The following PTPRG variants were observed in gnomAD, a reference collection of about 807,000 sequenced individuals.
The protein encoded by PTPRG is receptor-type tyrosine-protein phosphatase gamma.
PTPRG carries 102 observed loss-of-function variants against 165.3 expected under a neutral mutation model. The ratio of observed to expected loss-of-function variants is 0.62; its 90% CI spans 0.53 to 0.73. The LOEUF (loss-of-function observed/expected upper bound fraction) is 0.73, where lower values mean the gene tolerates loss of function less well. Among genes scored for constraint, PTPRG ranks in the 30% least tolerant of loss-of-function variants. PTPRG has a pLI of 0.00. For synonymous variants in PTPRG, 675 were observed against 669.5 expected, an observed-to-expected ratio of 1.01 and a Z score of -0.13; for missense variants, 1,866 against 1,861.4, an observed-to-expected ratio of 1.00 and a Z score of -0.05.
chr3:61,630,692 G>T (rs1275895414), intron 1 of PTPRG, among the ~76,000 whole-genome samples: 1 of 152,132 alleles, frequency 6.6e-6, no homozygotes, highest in African/African-American at 2.4e-5. Flanking sequence ...TGACCACAAG[G>T]GTAGAAAGAA....
chr3:61,875,325 G>A (rs972345074), intron 2 of PTPRG, among the ~76,000 whole-genome samples: 5 of 152,136 alleles, frequency 3.3e-5, no homozygotes, highest in African/African-American at 1.2e-4. Context: ...GGGCCCTGGT[G>A]CTGCCTGGGG....
chr3:61,865,165 A>G (rs2037370610), intron 2 of PTPRG, among the ~76,000 whole-genome samples: 1 of 152,128 alleles, frequency 6.6e-6, no homozygotes, highest in Admixed American at 6.5e-5. Context: ...TGTGGCCAGG[A>G]GAGAAATGCC....
chr3:61,613,005 C>T (rs541041268), intron 1 of PTPRG, among the ~76,000 whole-genome samples: 6 of 152,222 alleles, frequency 3.9e-5, no homozygotes, highest in African/African-American at 1.2e-4. Context: ...TCACCTTCGA[C>T]GAGAAATGCT....
At chr3:61,943,191 C>T (rs2039676541) in intron 2 of PTPRG, among the ~76,000 whole-genome samples, 1 of 152,158 alleles carries the variant, frequency 6.6e-6, no homozygotes. Context: ...AAGGGAATTG[C>T]ATTAGGGGTT....
At chr3:61,831,831 CTG>C (rs2036303912) in intron 2 of PTPRG, among the ~76,000 whole-genome samples, 1 of 152,064 alleles carries the variant, frequency 6.6e-6, no homozygotes, top group Non-Finnish European at 1.5e-5. Flanking sequence ...CTGGTTCAAA[CTG>C]TATATAGATA....
At chr3:61,997,260 C>G (rs535063205) in intron 3 of PTPRG, among the ~76,000 whole-genome samples, 34 of 152,306 alleles carry the variant, frequency 2.2e-4, no homozygotes, top group African/African-American at 8.2e-4. Context: ...CCCAGGCCTT[C>G]TCCACAGAGT....
intron 3 of PTPRG, among the ~76,000 whole-genome samples, chr3:61,998,223 A>G (rs955910780): frequency 6.6e-6 from 1 of 152,172 alleles, no homozygotes; most frequent in Non-Finnish European, 1.5e-5. Flanking sequence ...TTCCTTATTT[A>G]AGATGTGACC....
At chr3:61,949,734 T>G (rs1054458115) in intron 2 of PTPRG, among the ~76,000 whole-genome samples, 7 of 76,208 alleles carry the variant, frequency 9.2e-5, no homozygotes, top group Non-Finnish European at 1.4e-4. Context: ...TCTTTGTTTT[T>G]TTTTTTTTTG....
chr3:62,135,286 A>AG (rs1491563572), intron 6 of PTPRG, among the ~76,000 whole-genome samples: 1 of 151,030 alleles, frequency 6.6e-6, no homozygotes, highest in African/African-American at 2.4e-5. Flanking sequence ...AAAAAAAAAA[A>AG]GAAATAAAAA....
intron 2 of PTPRG, among the ~76,000 whole-genome samples, chr3:61,951,231 T>G (rs918671510): frequency 6.6e-6 from 1 of 152,252 alleles, no homozygotes; most frequent in African/African-American, 2.4e-5. Context: ...GAATTGGAAG[T>G]GGCAATCACT....
chr3:62,248,596 T>C (rs986732040), intron 15 of PTPRG, among the ~76,000 whole-genome samples: 2 of 152,202 alleles, frequency 1.3e-5, no homozygotes, highest in African/African-American at 4.8e-5. Flanking sequence ...ATTACAATTA[T>C]TAATGAAGCA....
At chr3:62,155,813 G>A (rs1417287074) in intron 6 of PTPRG, among the ~76,000 whole-genome samples, 1 of 152,136 alleles carries the variant, frequency 6.6e-6, no homozygotes, top group East Asian at 1.9e-4. Context: ...AGAAGAGGAA[G>A]GAAGGAGGAG....
chr3:62,283,928 A>C (rs951409354), intron 28 of PTPRG, among the ~76,000 whole-genome samples: 2 of 151,900 alleles, frequency 1.3e-5, no homozygotes, highest in African/African-American at 4.9e-5. Context: ...TTGAAACATT[A>C]ATTAAATAGC....
chr3:62,193,496 A>T (rs1175004200), intron 9 of PTPRG, among the ~76,000 whole-genome samples: 1 of 152,234 alleles, frequency 6.6e-6, no homozygotes, highest in East Asian at 1.9e-4. Context: ...GTGCTGACTT[A>T]GTGGCAACAG....
At chr3:61,671,242 A>G (rs1352564969) in intron 1 of PTPRG, among the ~76,000 whole-genome samples, 1 of 151,140 alleles carries the variant, frequency 6.6e-6, no homozygotes, top group Non-Finnish European at 1.5e-5. Flanking sequence ...GCAGATAAAC[A>G]AGTGAACAAA....
chr3:61,943,792 T>A (rs1015839535), intron 2 of PTPRG, among the ~76,000 whole-genome samples: 3 of 152,086 alleles, frequency 2.0e-5, no homozygotes, highest in South Asian at 2.1e-4. Flanking sequence ...AAAGCATGAA[T>A]GAAATGGCAG....
At chr3:61,643,184 G>A (rs997196435) in intron 1 of PTPRG, among the ~76,000 whole-genome samples, 2 of 152,094 alleles carry the variant, frequency 1.3e-5, no homozygotes, top group Non-Finnish European at 2.9e-5. Flanking sequence ...CAGCTACCTG[G>A]GCGGCTGAAA....
chr3:62,108,057 T>C (rs1702534859), intron 5 of PTPRG, among the ~76,000 whole-genome samples: 1 of 152,046 alleles, frequency 6.6e-6, no homozygotes, highest in African/African-American at 2.4e-5. Context: ...TTTTTTTTTT[T>C]TATTATTATT....
At chr3:61,894,966 G>C (rs1001160613) in intron 2 of PTPRG, among the ~76,000 whole-genome samples, 7 of 152,076 alleles carry the variant, frequency 4.6e-5, no homozygotes, top group African/African-American at 1.7e-4. Flanking sequence ...GTTGTAGGAG[G>C]GTATCTTGTA....
Sources: gnomAD v4.1 joint callset for allele counts (sites outside exome capture counted in the v4.1 genomes callset) on GRCh38, gnomAD v4.1.1 for gene constraint, MANE v1.5 for transcripts, NCBI Gene and HGNC (gene_info 2026-07-23, HGNC 2026-07-21) for gene names.